Variants in AP3B1 observed in about 807,000 individuals in gnomAD.
The protein encoded by AP3B1 is AP-3 complex subunit beta-1.
AP3B1 carries 61 observed loss-of-function variants against 132.5 expected under a neutral mutation model. The observed-to-expected ratio is 0.46, with a 90% CI of 0.37 to 0.57. The LOEUF (loss-of-function observed/expected upper bound fraction) is 0.57, where lower values mean the gene tolerates loss of function less well. Ranked by LOEUF, AP3B1 falls within the 20% of genes least tolerant of loss-of-function variation. The pLI is 0.00. For synonymous variants in AP3B1, 388 were observed against 438.3 expected (o/e 0.89, Z 1.43); for missense variants, 1,120 against 1,289.4 (o/e 0.87, Z 2.01).
intron 22 of AP3B1, among the ~76,000 whole-genome samples, chr5:78,074,235 A>G (rs1270945046): frequency 6.6e-6 from 1 of 152,148 alleles, no homozygotes; most frequent in Non-Finnish European, 1.5e-5. Flanking sequence ...TGTTATGAGT[A>G]CCTCAGAAGT....
chr5:78,057,803 C>T (rs1748880087), intron 22 of AP3B1, among the ~76,000 whole-genome samples: 2 of 152,154 alleles, frequency 1.3e-5, no homozygotes, highest in East Asian at 1.9e-4. Context: ...TTCAACTCTT[C>T]CTGGCCCTAC....
At chr5:78,029,391 ACACACACACACGCT>A (rs1487023428) in intron 24 of AP3B1, among the ~76,000 whole-genome samples, 1 of 152,170 alleles carries the variant, frequency 6.6e-6, no homozygotes, top group East Asian at 1.9e-4. Context: ...ATGCATACAC[ACACACACACACGCT>A]CACACACACA....
intron 1 of AP3B1, among the ~76,000 whole-genome samples, chr5:78,285,728 G>A (rs138112605): frequency 2.9e-4 from 44 of 152,012 alleles, no homozygotes; most frequent in African/African-American, 8.2e-4. Context: ...TCCAAACTTC[G>A]AGCTGTGTAG....
chr5:78,188,095 A>C (rs947665514), intron 7 of AP3B1, among the ~76,000 whole-genome samples: 2 of 152,244 alleles, frequency 1.3e-5, no homozygotes, highest in African/African-American at 4.8e-5. Flanking sequence ...AGATGCATTA[A>C]AGACTTAAAT....
intron 9 of AP3B1, among the ~76,000 whole-genome samples, chr5:78,176,806 A>G (rs115284692): frequency 1.8e-3 from 272 of 152,344 alleles, no homozygotes; most frequent in African/African-American, 6.0e-3. Flanking sequence ...AGAGTATGCA[A>G]TCTTTAAAAT....
intron 26 of AP3B1, among the ~76,000 whole-genome samples, chr5:78,010,596 T>C (rs571054773): frequency 1.7e-4 from 26 of 152,190 alleles, no homozygotes; most frequent in Non-Finnish European, 3.4e-4. Context: ...TTCCACGACA[T>C]TGAACACAAA....
At chr5:78,009,209 C>T (rs1315588594) in intron 26 of AP3B1, among the ~76,000 whole-genome samples, 1 of 151,164 alleles carries the variant, frequency 6.6e-6, no homozygotes, top group Non-Finnish European at 1.5e-5. Context: ...AATCCCAACA[C>T]TTTGGGAAAC....
intron 22 of AP3B1, chr5:78,044,092 G>T: frequency 3.1e-6 from 1 of 327,522 alleles, no homozygotes. Flanking sequence ...CTGCCTGAAA[G>T]GCAAGTTTCC....
intron 7 of AP3B1, among the ~76,000 whole-genome samples, chr5:78,203,718 T>G (rs1274081266): frequency 6.6e-6 from 1 of 152,150 alleles, no homozygotes; most frequent in African/African-American, 2.4e-5. Context: ...ATGTATTATG[T>G]GTGTTGGTGC....
intron 21 of AP3B1, among the ~76,000 whole-genome samples, chr5:78,095,730 T>C (rs969790035): frequency 6.6e-6 from 1 of 152,228 alleles, no homozygotes; most frequent in Non-Finnish European, 1.5e-5. Context: ...TCTATTTATC[T>C]ATTACAGCAC....
chr5:78,094,168 C>A (rs190032804), intron 21 of AP3B1, among the ~76,000 whole-genome samples: 1 of 152,130 alleles, frequency 6.6e-6, no homozygotes, highest in African/African-American at 2.4e-5. Flanking sequence ...CTACTGAGAG[C>A]ACATGGTATG....
intron 3 of AP3B1, among the ~76,000 whole-genome samples, chr5:78,237,757 G>A (rs1336592290): frequency 2.0e-5 from 3 of 152,134 alleles, no homozygotes; most frequent in African/African-American, 4.8e-5. Context: ...AGGTTGTAGT[G>A]AGCCAAGATC....
intron 14 of AP3B1, among the ~76,000 whole-genome samples, chr5:78,142,056 A>G (rs917948387): frequency 6.6e-6 from 1 of 152,194 alleles, no homozygotes; most frequent in Non-Finnish European, 1.5e-5. Context: ...TATCAAACTG[A>G]TAAGATCATC....
At chr5:78,235,741 G>A (rs1746849863) in intron 3 of AP3B1, among the ~76,000 whole-genome samples, 1 of 152,218 alleles carries the variant, frequency 6.6e-6, no homozygotes, top group South Asian at 2.1e-4. Context: ...CAGTAGGCTG[G>A]AAGAACACAG....
At chr5:78,255,520 A>G (rs968240308) in intron 2 of AP3B1, among the ~76,000 whole-genome samples, 14 of 152,284 alleles carry the variant, frequency 9.2e-5, no homozygotes, top group Admixed American at 9.1e-4. Flanking sequence ...TATATGATAA[A>G]GGAGTCAATT....
intron 7 of AP3B1, among the ~76,000 whole-genome samples, chr5:78,207,257 CAAAA>C (rs35228759): frequency 1.2e-4 from 14 of 116,122 alleles, no homozygotes; most frequent in African/African-American, 9.9e-5. Context: ...GACTCAGTGT[CAAAA>C]AAAAAAAAAA....
At chr5:78,000,888 C>T (rs1360514247), downstream of AP3B1, 5 of 152,240 alleles carry the variant, frequency 3.3e-5, no homozygotes, top group South Asian at 4.1e-4. Context: ...GGGCTTTGGT[C>T]GTTTTTCTGT....
Position 78,127,890 on chromosome 5 carries a change from G to A in AP3B1, c.1968+140C>T, listed in dbSNP as rs908051866. ...AATATTTAGTTGCTATAAAGGCAAG[G>A]TATATCTAACACATTACATTTAGAA... On this transcript the variant is annotated intron_variant, in intron 17 of 26. Coordinates refer to ENST00000255194, the MANE Select transcript of AP3B1 (RefSeq NM_003664.5). The A allele has an allele frequency of 1.1e-5, 10 of 903,046 alleles. No individual in the cohort carries two copies. In the Admixed American group the frequency reaches 1.4e-4, roughly 12 times the overall value. The allele number at this position is 903,046 out of a possible 1,614,324, so 55.9% of individuals were successfully genotyped here. A position where few individuals can be genotyped will look rare whatever the true frequency, so the allele number is the denominator to read the frequency against.
chr5:78,195,512 G>A (rs1406699213), intron 7 of AP3B1, among the ~76,000 whole-genome samples: 1 of 152,136 alleles, frequency 6.6e-6, no homozygotes, highest in African/African-American at 2.4e-5. Flanking sequence ...TTCAACAAAT[G>A]ATGCTGGAAC....
Sources: allele counts gnomAD v4.1 joint callset (sites outside exome capture counted in the v4.1 genomes callset), GRCh38; gene constraint gnomAD v4.1.1; transcripts MANE v1.5; gene names NCBI Gene and HGNC (gene_info 2026-07-23, HGNC 2026-07-21).